Variants in CERT1 observed in about 807,000 individuals in gnomAD.
CERT1 encodes ceramide transporter 1.
In CERT1, 31 loss-of-function variants were observed where a neutral mutation model predicts 87.9. That is an observed-to-expected ratio of 0.35 (90% CI 0.27 to 0.48). The LOEUF is 0.48. Among genes scored for constraint, CERT1 ranks in the 20% least tolerant of loss-of-function variants. CERT1 has a pLI of 0.99. For synonymous variants in CERT1, 289 were observed against 250.9 expected (o/e 1.15, Z -1.44); for missense variants, 487 against 758.0 (o/e 0.64, Z 4.20).
At chr5:75,491,138 CTGTT>C (rs1231329872) in intron 2 of CERT1, among the ~76,000 whole-genome samples, 15 of 152,170 alleles carry the variant, frequency 9.9e-5, no homozygotes, top group East Asian at 3.9e-4. Context: ...CACTTTCCTT[CTGTT>C]TATTTTTGTG....
At chr5:75,413,834 T>C (rs570043846) in intron 7 of CERT1, among the ~76,000 whole-genome samples, 1 of 152,254 alleles carries the variant, frequency 6.6e-6, no homozygotes, top group African/African-American at 2.4e-5. Flanking sequence ...ATAATCACTT[T>C]GGAAAATCAT....
At chr5:75,480,798 T>TAGCAAATC (rs1766204781) in intron 2 of CERT1, among the ~76,000 whole-genome samples, 1 of 152,214 alleles carries the variant, frequency 6.6e-6, no homozygotes, top group African/African-American at 2.4e-5. Flanking sequence ...AGGAATTCAT[T>TAGCAAATC]AGCAAATCTG....
chr5:75,424,891 T>C (rs541147088), intron 5 of CERT1, among the ~76,000 whole-genome samples: 27 of 152,200 alleles, frequency 1.8e-4, no homozygotes, highest in Non-Finnish European at 3.4e-4. Context: ...AGTGGGAAGA[T>C]TGCTTGAGGC....
At chr5:75,426,269 A>T (rs1179511477) in intron 4 of CERT1, 102 bp downstream of exon 4, 46 of 685,834 alleles carry the variant, frequency 6.7e-5, no homozygotes, top group Non-Finnish European at 1.0e-4. Context: ...ATTATACTAT[A>T]AAAAAGTTTG....
At chr5:75,381,300 A>G (rs1761575336) in intron 15 of CERT1, 99 bp from the exon 16 acceptor site, 3 of 1,320,980 alleles carry the variant, frequency 2.3e-6, no homozygotes, top group Non-Finnish European at 3.2e-6. Context: ...TAACTCTTAA[A>G]AGTATCTCCA....
chr5:75,432,053 C>G (rs544786873), intron 3 of CERT1, among the ~76,000 whole-genome samples: 26 of 150,702 alleles, frequency 1.7e-4, no homozygotes, highest in Admixed American at 1.2e-3. Flanking sequence ...AACATTCCCC[C>G]CCCCTTTTTT....
intron 11 of CERT1, among the ~76,000 whole-genome samples, chr5:75,394,566 A>G (rs2112055751): frequency 6.6e-6 from 1 of 152,230 alleles, no homozygotes; most frequent in East Asian, 1.9e-4. Context: ...ACAAATAAAA[A>G]AATTAGCTGG....
intron 17 of CERT1, chr5:75,370,223 G>C (rs1053601797): frequency 2.6e-5 from 4 of 152,164 alleles, no homozygotes; most frequent in African/African-American, 9.7e-5. Flanking sequence ...TGTTTGGATG[G>C]CATGTATCTT....
At chr5:75,394,850 T>C (rs771368496) in intron 11 of CERT1, among the ~76,000 whole-genome samples, 20 of 152,222 alleles carry the variant, frequency 1.3e-4, no homozygotes, top group Admixed American at 2.6e-4. Flanking sequence ...CAAAGATGCA[T>C]ATACAAGGAT....
intron 3 of CERT1, among the ~76,000 whole-genome samples, chr5:75,455,054 C>T (rs535867876): frequency 3.2e-4 from 48 of 152,298 alleles, no homozygotes; most frequent in Non-Finnish European, 6.2e-4. Context: ...GTCTGAACCA[C>T]TACAGCTTTC....
chr5:75,458,062 C>T (rs1301570832), intron 3 of CERT1, among the ~76,000 whole-genome samples: 1 of 151,734 alleles, frequency 6.6e-6, no homozygotes, highest in Non-Finnish European at 1.5e-5. Flanking sequence ...CTCAAACGAA[C>T]AAGTATAGGC....
chr5:75,477,467 C>G (rs957423474), intron 2 of CERT1, among the ~76,000 whole-genome samples: 7 of 151,810 alleles, frequency 4.6e-5, no homozygotes, highest in African/African-American at 1.7e-4. Flanking sequence ...AAGACATGAA[C>G]TATGATACTA....
Position 75,416,889 on chromosome 5 carries a change from T to C in CERT1, c.824A>G (p.Lys275Arg), listed in dbSNP as rs372968069. 9 of 1,608,916 alleles carry C rather than the reference T, an allele frequency of 5.6e-6. No individual in the cohort carries two copies. The African/African-American group carries it at 1.1e-4, about 19-fold the overall frequency. ...LMVKREDSWQ[K>R]RLDKETEKKR... ...ACCTAGTCTTACCTTATCCAGTCTC[T>C]TCTGCCAGCTGTCCTCACGTTTAAC... is the stretch of plus-strand genomic sequence containing the variant. The change falls in exon 7 of 17, where the codon AAG (lysine) becomes AGG (arginine). Residue 275 changes from lysine (K) to arginine (R), a missense_variant. Coordinates refer to ENST00000643780, the MANE Select transcript of CERT1 (RefSeq NM_001379029.1).
downstream of CERT1, chr5:75,375,257 A>T (rs1223792767): frequency 6.6e-6 from 1 of 152,538 alleles, no homozygotes; most frequent in Non-Finnish European, 1.5e-5. Flanking sequence ...TTTAATCAAC[A>T]AACATGCTCA....
At chr5:75,497,447 T>C (rs1309781153) in intron 2 of CERT1, among the ~76,000 whole-genome samples, 1 of 152,138 alleles carries the variant, frequency 6.6e-6, no homozygotes, top group African/African-American at 2.4e-5. Flanking sequence ...AGAAATTTAG[T>C]AATCTGCCAA....
At chr5:75,430,521 G>C (rs1763819389) in intron 3 of CERT1, among the ~76,000 whole-genome samples, 1 of 152,184 alleles carries the variant, frequency 6.6e-6, no homozygotes, top group East Asian at 1.9e-4. Context: ...GCAGGCCAGA[G>C]TACAATGGGG....
intron 11 of CERT1, among the ~76,000 whole-genome samples, chr5:75,392,322 C>T (rs1300893540): frequency 6.6e-6 from 1 of 152,150 alleles, no homozygotes; most frequent in African/African-American, 2.4e-5. Context: ...TACACTGCAT[C>T]AATGGAAAAC....
chr5:75,418,410 A>T (rs886364076), intron 6 of CERT1, among the ~76,000 whole-genome samples: 1 of 152,188 alleles, frequency 6.6e-6, no homozygotes, highest in Non-Finnish European at 1.5e-5. Context: ...TGTGGCTGGT[A>T]AAAAACAGTT....
intron 16 of CERT1, among the ~76,000 whole-genome samples, chr5:75,380,093 G>A (rs955660944): frequency 2.6e-5 from 4 of 152,122 alleles, no homozygotes; most frequent in Non-Finnish European, 4.4e-5. Context: ...ACTTACTCAG[G>A]TACAACTGTT....
Sources: gnomAD v4.1 joint callset for allele counts (sites outside exome capture counted in the v4.1 genomes callset) on GRCh38, gnomAD v4.1.1 for gene constraint, MANE v1.5 for transcripts, NCBI Gene and HGNC (gene_info 2026-07-23, HGNC 2026-07-21) for gene names.